The following TEC variants were observed in gnomAD, a reference collection of about 807,000 sequenced individuals.
TEC encodes tyrosine-protein kinase Tec.
Under a neutral mutation model 93.0 loss-of-function variants are expected in TEC, and 72 were observed. The observed-to-expected ratio is 0.77, with a 90% CI of 0.64 to 0.94. The LOEUF (loss-of-function observed/expected upper bound fraction) is 0.94. Ranked by LOEUF, TEC falls within the 40% of genes least tolerant of loss-of-function variation. The pLI is 0.00. For missense variants in TEC, 630 were observed against 757.9 expected, an observed-to-expected ratio of 0.83 and a Z score of 1.98; for synonymous variants, 249 against 247.7, an observed-to-expected ratio of 1.01 and a Z score of -0.05.
chr4:48,201,170 G>A (rs889542385), intron 2 of TEC, among the ~76,000 whole-genome samples: 3 of 152,158 alleles, frequency 2.0e-5, no homozygotes, highest in African/African-American at 7.2e-5. Context: ...ACAAGAGAGG[G>A]TGAAGAGAGG....
intron 9 of TEC, 142 bp downstream of exon 9, chr4:48,156,538 C>G: frequency 1.6e-6 from 1 of 620,146 alleles, no homozygotes; most frequent in South Asian, 3.4e-5. Flanking sequence ...AGCCTCTCAG[C>G]TCCCTCAGCC....
At chr4:48,149,407 A>G (rs112573678) in intron 11 of TEC, 150 bp downstream of exon 11, 14 of 759,842 alleles carry the variant, frequency 1.8e-5, no homozygotes, top group African/African-American at 1.6e-4. Flanking sequence ...TTCTTTGTAT[A>G]TATCATTCCT....
Position 48,177,177 on chromosome 4 carries a change from A to G in TEC, c.139-991T>C, listed in dbSNP as rs192126483. ...GGGAATTTATCCTAGGGAAAAATCT[A>G]AAAGAAGACAAAGCAGTATGTGCAA... On this transcript the variant is annotated intron_variant, in intron 2 of 17. Transcript: ENST00000381501. 3.9e-5 allele frequency among the ~76,000 whole-genome samples: 6 copies of G among 152,348 alleles called. No individual in the cohort carries two copies. In the East Asian group the frequency reaches 1.2e-3, roughly 29 times the overall value.
intron 9 of TEC, 34 bp from the exon 10 acceptor site, chr4:48,150,976 T>C: frequency 7.2e-7 from 1 of 1,396,030 alleles, no homozygotes; most frequent in Non-Finnish European, 9.9e-7. Flanking sequence ...TTTTTTTTAC[T>C]CTAATTACTA....
chr4:48,206,232 A>G (rs1008806531), intron 2 of TEC, among the ~76,000 whole-genome samples: 2 of 152,210 alleles, frequency 1.3e-5, no homozygotes, highest in African/African-American at 4.8e-5. Context: ...TTGATGAAAA[A>G]GTTATGGAAC....
At chr4:48,150,744 GT>G (rs2109516555) in intron 10 of TEC, 118 bp downstream of exon 10, 2 of 663,044 alleles carry the variant, frequency 3.0e-6, no homozygotes, top group South Asian at 8.0e-5. Context: ...TCAAGTTCAG[GT>G]TTTCTTTTTA....
At chr4:48,157,906 C>T (rs1266272215) in intron 8 of TEC, among the ~76,000 whole-genome samples, 1 of 152,200 alleles carries the variant, frequency 6.6e-6, no homozygotes, top group Non-Finnish European at 1.5e-5. Context: ...CTCTACTTTC[C>T]CCAGCATAAT....
At chr4:48,157,923 C>T (rs565698194) in intron 8 of TEC, among the ~76,000 whole-genome samples, 1 of 152,350 alleles carries the variant, frequency 6.6e-6, no homozygotes, top group Admixed American at 6.5e-5. Context: ...TAATCAATCC[C>T]TCCATGTGAT....
chr4:48,222,308 C>A (rs1453790290), intron 2 of TEC, among the ~76,000 whole-genome samples: 1 of 152,072 alleles, frequency 6.6e-6, no homozygotes, highest in Non-Finnish European at 1.5e-5. Context: ...TCAAGTACTT[C>A]GTATCCCAAA....
At chr4:48,247,183 C>A in intron 1 of TEC, among the ~76,000 whole-genome samples, 1 of 152,024 alleles carries the variant, frequency 6.6e-6, no homozygotes, top group Admixed American at 6.5e-5. Flanking sequence ...ATTGAAACGA[C>A]GAGATACCAC....
At chr4:48,245,015 C>A (rs1241528301) in intron 1 of TEC, among the ~76,000 whole-genome samples, 1 of 152,128 alleles carries the variant, frequency 6.6e-6, no homozygotes. Flanking sequence ...AAAAATTAGG[C>A]CGAGCACAGT....
chr4:48,216,123 C>T (rs1723069743), intron 2 of TEC, among the ~76,000 whole-genome samples: 1 of 152,024 alleles, frequency 6.6e-6, no homozygotes. Context: ...ACACTAAGTC[C>T]CCTTTCACCC....
Position 48,145,065 on chromosome 4 carries a change from G to T in TEC, c.1470+14C>A, listed in dbSNP as rs1560373243. The stretch of plus-strand genomic sequence containing the variant: ...ATTCAGCCAATGAGTGGGAATATGG[G>T]TGGCTAGGGTTACCAGATCTCTGTG... On this transcript the variant is annotated intron_variant, in intron 14 of 17. Transcript: ENST00000381501. The T allele has an allele frequency of 6.2e-7, 1 of 1,612,644 alleles. No homozygotes were observed.
At chr4:48,229,555 C>T (rs1419131599) in intron 1 of TEC, among the ~76,000 whole-genome samples, 1 of 150,134 alleles carries the variant, frequency 6.7e-6, no homozygotes, top group Admixed American at 6.6e-5. Context: ...TTGGGCAGAT[C>T]ACTTTAGGTG....
intron 2 of TEC, among the ~76,000 whole-genome samples, chr4:48,198,136 G>C (rs1213525473): frequency 1.3e-5 from 2 of 152,148 alleles, no homozygotes; most frequent in African/African-American, 2.4e-5. Context: ...GATGTATTGA[G>C]TTTCCACTTT....
At chr4:48,193,703 T>C (rs1199724337) in intron 2 of TEC, among the ~76,000 whole-genome samples, 1 of 152,054 alleles carries the variant, frequency 6.6e-6, no homozygotes, top group Non-Finnish European at 1.5e-5. Context: ...TAATACTGAC[T>C]AGTAGCACTT....
In TEC at chr4:48,228,785, C is replaced by T. The variant is rs538170059; in HGVS notation, c.-45-126G>A. ...AGCAGATGAGTATTGATCTCTGTGC[C>T]CAAACTGAGAATGCCTGGGGCACAA... On this transcript the variant is annotated intron_variant, in intron 1 of 17. Transcript: ENST00000381501. 5.7e-6 allele frequency: 4 copies of T among 701,326 alleles called. No individual in the cohort carries two copies. In the South Asian group the frequency reaches 1.2e-4, roughly 21 times the overall value. 43.4% of individuals were successfully genotyped at this position (701,326 alleles called of 1,614,324 possible).
Position 48,247,506 on chromosome 4 carries a change from T to C in TEC, c.-45-18847A>G, listed in dbSNP as rs190313997. Among the ~76,000 whole-genome samples the C allele has an allele frequency of 9.9e-3, 1,495 of 151,264 alleles. 7 individuals are homozygous for C. The highest frequency in any genetic ancestry group is 0.016 in the Non-Finnish European group (1,065 of 67,880). ...AACCCAATGTCTGCCAACTGATGAA[T>C]GAATAAACAAAATTTATATATTCAT... On this transcript the variant is annotated intron_variant, in intron 1 of 17. Coordinates refer to ENST00000381501, the MANE Select transcript of TEC (RefSeq NM_003215.3).
chr4:48,232,246 G>A lies in TEC; in HGVS notation c.-45-3587C>T, dbSNP rs370708328. The stretch of plus-strand genomic sequence containing the variant: ...AGAAGCTGCAGTGAGCAAAGATCAC[G>A]CCATTGTGCTACAGTCTGAGTGACA... On this transcript the variant is annotated intron_variant, in intron 1 of 17. Transcript: ENST00000381501. Among the ~76,000 whole-genome samples the A allele has an allele frequency of 1.1e-4, 17 of 151,822 alleles. No homozygotes were observed. In the East Asian group the frequency reaches 2.1e-3, roughly 19 times the overall value.
Sources: allele counts gnomAD v4.1 joint callset (sites outside exome capture counted in the v4.1 genomes callset), GRCh38; gene constraint gnomAD v4.1.1; transcripts MANE v1.5; gene names NCBI Gene and HGNC (gene_info 2026-07-23, HGNC 2026-07-21).